Variants in SLC44A5 observed in about 807,000 individuals in gnomAD.
SLC44A5 encodes the protein choline transporter-like protein 5.
In SLC44A5, 57 loss-of-function variants were observed where a neutral mutation model predicts 101.8. That is an observed-to-expected ratio of 0.56 (90% CI 0.45 to 0.70). The LOEUF is 0.70. Among genes scored for constraint, SLC44A5 ranks in the 30% least tolerant of loss-of-function variants. The probability of loss-of-function intolerance (pLI) is 0.00; values close to 1 mark genes in which losing one functional copy is unlikely to be tolerated. For missense variants in SLC44A5, 737 were observed against 853.1 expected (o/e 0.86, Z 1.70); for synonymous variants, 281 against 290.9 (o/e 0.97, Z 0.35).
intron 4 of SLC44A5, among the ~76,000 whole-genome samples, chr1:75,324,932 C>T (rs899483419): frequency 1.3e-5 from 2 of 152,140 alleles, no homozygotes; most frequent in African/African-American, 4.8e-5. Flanking sequence ...TTAAAGTGCT[C>T]TCACTATTTT....
intron 23 of SLC44A5, among the ~76,000 whole-genome samples, 165 bp from the exon 24 acceptor site, chr1:75,203,998 C>T (rs1646706858): frequency 6.6e-6 from 1 of 151,758 alleles, no homozygotes; most frequent in Non-Finnish European, 1.5e-5. Flanking sequence ...TTATTGTAAA[C>T]ATAGTTATGC....
intron 14 of SLC44A5, among the ~76,000 whole-genome samples, chr1:75,220,816 C>A (rs1647062487): frequency 6.6e-6 from 1 of 152,096 alleles, no homozygotes; most frequent in Non-Finnish European, 1.5e-5. Flanking sequence ...TATTTGCTAC[C>A]TTCCTCACCT....
At chr1:75,260,450 G>C (rs1452205787) in intron 6 of SLC44A5, among the ~76,000 whole-genome samples, 2 of 152,068 alleles carry the variant, frequency 1.3e-5, no homozygotes, top group Admixed American at 6.6e-5. Flanking sequence ...ACTGGTAAAG[G>C]GGTCAATGCA....
chr1:75,244,066 A>T (rs931021222), intron 7 of SLC44A5, among the ~76,000 whole-genome samples: 8 of 152,118 alleles, frequency 5.3e-5, no homozygotes, highest in African/African-American at 1.9e-4. Flanking sequence ...AGCCCTCAAC[A>T]GAAGCAATGC....
chr1:75,220,788 G>A (rs1237268221), intron 14 of SLC44A5, among the ~76,000 whole-genome samples: 1 of 152,132 alleles, frequency 6.6e-6, no homozygotes, highest in Non-Finnish European at 1.5e-5. Flanking sequence ...CTAATGCATT[G>A]ATGCTTAGAT....
chr1:75,590,514 A>G (rs1228948447), intron 1 of SLC44A5, among the ~76,000 whole-genome samples: 2 of 152,106 alleles, frequency 1.3e-5, no homozygotes, highest in African/African-American at 2.4e-5. Context: ...CCCCAATTCC[A>G]GGACTTGACT....
At position 75,576,598 on chromosome 1, in the gene SLC44A5, G is replaced by A. The variant is rs187866591; in HGVS notation, c.-70+34442C>T. Among the ~76,000 whole-genome samples, 172 of 152,180 alleles carry A rather than the reference G, an allele frequency of 1.1e-3. 3 individuals carry two copies. In the East Asian group the frequency reaches 0.031, roughly 28 times the overall value. On this transcript the variant is annotated intron_variant, in intron 1 of 23. Coordinates refer to ENST00000370859, the MANE Select transcript of SLC44A5 (RefSeq NM_001130058.2). ...CTCCCAAACTGCTGGGATTACAGGC[G>A]TTGAGCCACCGCACCTGGCCTAAAT...
At chr1:75,240,541 A>G (rs989320063) in intron 9 of SLC44A5, among the ~76,000 whole-genome samples, 4 of 152,090 alleles carry the variant, frequency 2.6e-5, no homozygotes, top group Non-Finnish European at 1.5e-5. Flanking sequence ...CTAATGATTT[A>G]TATTTATCCT....
chr1:75,322,236 C>T (rs910362899), intron 4 of SLC44A5, among the ~76,000 whole-genome samples: 2 of 152,124 alleles, frequency 1.3e-5, no homozygotes, highest in Non-Finnish European at 2.9e-5. Flanking sequence ...GGCTTGAACC[C>T]AGAAGGTGGA....
chr1:75,675,764 G>A, the SLC44A5 span, among the ~76,000 whole-genome samples: 2 of 152,120 alleles, frequency 1.3e-5, no homozygotes, highest in Non-Finnish European at 2.9e-5. Flanking sequence ...AGAGTGAACA[G>A]ACAACCTATA....
intron 2 of SLC44A5, among the ~76,000 whole-genome samples, chr1:75,456,085 A>T (rs183578848): frequency 6.6e-6 from 1 of 152,330 alleles, no homozygotes; most frequent in African/African-American, 2.4e-5. Flanking sequence ...CATATTAATA[A>T]CAACAAAGAC....
intron 1 of SLC44A5, among the ~76,000 whole-genome samples, chr1:75,603,753 G>GTTTTTTTTTTTTTTTTTTTTTTTTTTTTT: frequency 1.8e-5 from 1 of 54,086 alleles, no homozygotes; most frequent in Non-Finnish European, 3.1e-5. Context: ...ATTTTTTCAT[G>GTTTTTTTTTTTTTTTTTTTTTTTTTTTTT]TTTTTTTTTT....
chr1:75,369,648 T>C (rs1660098525), intron 3 of SLC44A5, among the ~76,000 whole-genome samples: 1 of 152,170 alleles, frequency 6.6e-6, no homozygotes, highest in Non-Finnish European at 1.5e-5. Flanking sequence ...AGCAATACTT[T>C]TGGCACACAG....
intron 2 of SLC44A5, among the ~76,000 whole-genome samples, chr1:75,462,663 T>C (rs72988770): frequency 6.7e-5 from 10 of 149,516 alleles, no homozygotes; most frequent in African/African-American, 9.8e-5. Flanking sequence ...CAAAATGCTA[T>C]CAGAAAAAAT....
intron 2 of SLC44A5, among the ~76,000 whole-genome samples, chr1:75,443,654 C>T (rs1665335798): frequency 1.3e-5 from 2 of 151,522 alleles, no homozygotes; most frequent in Admixed American, 1.3e-4. Context: ...AGGAACATAT[C>T]TCAATATTCA....
chr1:75,445,899 C>G (rs775797863), intron 2 of SLC44A5, among the ~76,000 whole-genome samples: 1 of 152,076 alleles, frequency 6.6e-6, no homozygotes, highest in Non-Finnish European at 1.5e-5. Flanking sequence ...TAAATGACAC[C>G]ACCATTCATC....
intron 2 of SLC44A5, among the ~76,000 whole-genome samples, chr1:75,418,527 G>C (rs1180651265): frequency 1.3e-5 from 2 of 152,078 alleles, no homozygotes; most frequent in African/African-American, 4.8e-5. Context: ...TGAGTAATAG[G>C]TCCCTAAGAG....
chr1:75,403,421 G>T (rs886382756), intron 2 of SLC44A5, among the ~76,000 whole-genome samples: 1 of 152,176 alleles, frequency 6.6e-6, no homozygotes, highest in Non-Finnish European at 1.5e-5. Context: ...CCCAGCAGGG[G>T]TCGACAGACA....
At position 75,214,692 on chromosome 1, in the gene SLC44A5, T is replaced by C. The variant is rs745818769; in HGVS notation, c.1729-14A>G. 1 of 1,606,788 alleles carries C rather than the reference T, an allele frequency of 6.2e-7. No homozygotes were observed. The highest frequency in any genetic ancestry group is 8.5e-7 in the Non-Finnish European group (1 of 1,175,514). Reference sequence around the variant, plus strand: ...ATATATTGCAATCTGAGGAAGACAGTGGCTATTATTCTGGAGCCAGTAACA... The same window carrying C: ...ATATATTGCAATCTGAGGAAGACAGCGGCTATTATTCTGGAGCCAGTAACA... On this transcript the variant is annotated splice_polypyrimidine_tract_variant and intron_variant, in intron 19 of 23. Coordinates refer to ENST00000370859, the MANE Select transcript of SLC44A5 (RefSeq NM_001130058.2).
Sources: gnomAD v4.1 joint callset for allele counts (sites outside exome capture counted in the v4.1 genomes callset) on GRCh38, gnomAD v4.1.1 for gene constraint, MANE v1.5 for transcripts, NCBI Gene and HGNC (gene_info 2026-07-23, HGNC 2026-07-21) for gene names.